The following PRIM2 variants were observed in gnomAD, a reference collection of about 807,000 sequenced individuals.
PRIM2 encodes the protein DNA primase large subunit.
In PRIM2, 39 loss-of-function variants were observed where a neutral mutation model predicts 67.3. That is an observed-to-expected ratio of 0.58 (90% confidence interval 0.45 to 0.76). PRIM2 has a LOEUF of 0.76. Ranked by LOEUF, PRIM2 falls within the 30% of genes least tolerant of loss-of-function variation. The pLI is 0.00. For missense variants in PRIM2, 398 were observed against 598.7 expected, an observed-to-expected ratio of 0.66 and a Z score of 3.50; for synonymous variants, 143 against 198.7, an observed-to-expected ratio of 0.72 and a Z score of 2.36.
the PRIM2 span, among the ~76,000 whole-genome samples, chr6:57,244,047 G>A: frequency 6.6e-6 from 1 of 152,194 alleles, no homozygotes; most frequent in African/African-American, 2.4e-5. Flanking sequence ...TTCTCAGAAA[G>A]ATGTAGAAGT....
intron 7 of PRIM2, chr6:57,493,758 G>C (rs1277150025): frequency 8.5e-5 from 13 of 152,184 alleles, no homozygotes; most frequent in African/African-American, 2.9e-4. Flanking sequence ...GATTGTGGCT[G>C]CTTCAAAATA....
chr6:57,373,226 T>C (rs1308911599), intron 5 of PRIM2, among the ~76,000 whole-genome samples: 1 of 152,224 alleles, frequency 6.6e-6, no homozygotes, highest in Admixed American at 6.5e-5. Context: ...ACATTGTTTT[T>C]TTTTTCATGT....
chr6:57,459,949 G>A (rs1581928851), intron 7 of PRIM2, among the ~76,000 whole-genome samples: 1 of 152,284 alleles, frequency 6.6e-6, no homozygotes, highest in East Asian at 1.9e-4. Flanking sequence ...GGTACTGCCT[G>A]CAGCAGAAGA....
At chr6:57,512,740 G>T (rs1305642824) in intron 8 of PRIM2, among the ~76,000 whole-genome samples, 1 of 152,076 alleles carries the variant, frequency 6.6e-6, no homozygotes, top group Non-Finnish European at 1.5e-5. Flanking sequence ...TGGGACTACA[G>T]GCATGTGCCA....
intron 7 of PRIM2, among the ~76,000 whole-genome samples, chr6:57,449,796 A>G (rs1232744119): frequency 6.6e-6 from 1 of 152,154 alleles, no homozygotes; most frequent in East Asian, 1.9e-4. Context: ...GGGTAATGAA[A>G]TAGACCTCCA....
the PRIM2 span, among the ~76,000 whole-genome samples, chr6:57,223,944 G>GT: frequency 6.6e-6 from 1 of 152,078 alleles, no homozygotes; most frequent in Non-Finnish European, 1.5e-5. Context: ...TAGAATTATC[G>GT]TATGATTAAA....
At chr6:57,505,281 C>T (rs1774227702) in intron 7 of PRIM2, 1 of 152,204 alleles carries the variant, frequency 6.6e-6, no homozygotes, top group Non-Finnish European at 1.5e-5. Context: ...GAGCATTGGC[C>T]TCTCCCTGGT....
At position 57,392,638 on chromosome 6, in the gene PRIM2, G is replaced by GTT. The variant is rs145775905; in HGVS notation, c.693+10479_693+10480dup. On this transcript the variant is annotated intron_variant, in intron 7 of 13. Coordinates refer to ENST00000615550, the MANE Select transcript of PRIM2 (RefSeq NM_000947.5). ...CTAGAGAGGGAGAAGGAAAATATTC[G>GTT]TTTTTTTTTTGTGGATATCCAAATT... Among the ~76,000 whole-genome samples the GTT allele has an allele frequency of 2.1e-5, 3 of 144,706 alleles. No individual in the cohort carries two copies. In the East Asian group the frequency reaches 6.0e-4, roughly 29 times the overall value. The allele number at this position is 144,706 out of a possible 152,430, so 94.9% of individuals were successfully genotyped here. A position where few individuals can be genotyped will look rare whatever the true frequency, so the allele number is the denominator to read the frequency against.
intron 5 of PRIM2, among the ~76,000 whole-genome samples, chr6:57,367,387 G>T (rs1769394816): frequency 6.6e-6 from 1 of 152,006 alleles, no homozygotes; most frequent in East Asian, 1.9e-4. Flanking sequence ...GTAAGAACTG[G>T]ATTACAGATA....
the PRIM2 span, among the ~76,000 whole-genome samples, chr6:57,276,315 G>A: frequency 6.6e-6 from 1 of 152,010 alleles, no homozygotes; most frequent in Non-Finnish European, 1.5e-5. Flanking sequence ...GTGTGAACCC[G>A]GGATGCAGAG....
chr6:57,510,192 A>G (rs1774335705), intron 8 of PRIM2, among the ~76,000 whole-genome samples: 1 of 152,132 alleles, frequency 6.6e-6, no homozygotes, highest in African/African-American at 2.4e-5. Flanking sequence ...AGTGATGTTC[A>G]TATTTGTATT....
chr6:57,561,929 G>A (rs1332685806), intron 10 of PRIM2, among the ~76,000 whole-genome samples: 5 of 152,068 alleles, frequency 3.3e-5, no homozygotes, highest in African/African-American at 1.2e-4. Context: ...AGAGATGTGC[G>A]AGTCTTTTTT....
intron 5 of PRIM2, among the ~76,000 whole-genome samples, chr6:57,363,457 A>G (rs969540673): frequency 6.6e-6 from 1 of 152,184 alleles, no homozygotes; most frequent in Non-Finnish European, 1.5e-5. Flanking sequence ...ACTATATACT[A>G]TACCTTTTCA....
At chr6:57,289,042 A>G in the PRIM2 span, among the ~76,000 whole-genome samples, 1 of 152,200 alleles carries the variant, frequency 6.6e-6, no homozygotes, top group Non-Finnish European at 1.5e-5. Context: ...ATCTCAAGGA[A>G]GCTAAAAACC....
chr6:57,333,368 C>T (rs1768120849), intron 5 of PRIM2, among the ~76,000 whole-genome samples: 1 of 152,110 alleles, frequency 6.6e-6, no homozygotes, highest in Non-Finnish European at 1.5e-5. Context: ...AACCTTTTAG[C>T]TTCTAGAGTT....
the PRIM2 span, among the ~76,000 whole-genome samples, chr6:57,303,052 T>A: frequency 2.6e-5 from 4 of 152,202 alleles, no homozygotes; most frequent in Non-Finnish European, 5.9e-5. Context: ...GATTTTTATG[T>A]CATTGTTATT....
chr6:57,418,038 C>A (rs1340870035), intron 7 of PRIM2, among the ~76,000 whole-genome samples: 1 of 151,960 alleles, frequency 6.6e-6, no homozygotes, highest in Non-Finnish European at 1.5e-5. Context: ...ATACTTATAG[C>A]CAGAAGGTTG....
intron 8 of PRIM2, among the ~76,000 whole-genome samples, chr6:57,512,385 T>G (rs1410803596): frequency 1.3e-5 from 2 of 152,030 alleles, no homozygotes; most frequent in African/African-American, 2.4e-5. Flanking sequence ...AGGGAATAAT[T>G]GAAGGGGCAA....
chr6:57,486,506 C>G (rs1186605762), intron 7 of PRIM2, among the ~76,000 whole-genome samples: 11 of 152,184 alleles, frequency 7.2e-5, no homozygotes, highest in Non-Finnish European at 1.3e-4. Context: ...TAATCTGAAG[C>G]CTTATGTTCT....
Sources: gnomAD v4.1 joint callset for allele counts (sites outside exome capture counted in the v4.1 genomes callset) on GRCh38, gnomAD v4.1.1 for gene constraint, MANE v1.5 for transcripts, NCBI Gene and HGNC (gene_info 2026-07-23, HGNC 2026-07-21) for gene names.